PPFIA2: variants seen among roughly 807,000 people sequenced by gnomAD.
PPFIA2 encodes the protein liprin-alpha-2.
In PPFIA2, 46 loss-of-function variants were observed where a neutral mutation model predicts 175.5. The observed-to-expected ratio is 0.26, with a 90% CI of 0.21 to 0.34. The LOEUF is 0.34. Among genes scored for constraint, PPFIA2 ranks in the 10% least tolerant of loss-of-function variants. PPFIA2 has a pLI of 1.00. For missense variants in PPFIA2, 1,179 were observed against 1,506.1 expected (o/e 0.78, Z 3.60); for synonymous variants, 568 against 511.4 (o/e 1.11, Z -1.49).
At chr12:81,568,694 T>C (rs1339991380) in intron 4 of PPFIA2, among the ~76,000 whole-genome samples, 1 of 152,138 alleles carries the variant, frequency 6.6e-6, no homozygotes, top group Non-Finnish European at 1.5e-5. Flanking sequence ...TGAGAAACCA[T>C]CCCTCCACCT....
rs143474177 is a variant in PPFIA2 at position 81,368,087 on chromosome 12, G to A, written c.1482+638C>T. On this transcript the variant is annotated intron_variant, in intron 13 of 32. Transcript: ENST00000549396. The stretch of plus-strand genomic sequence containing the variant: ...GATTTCTAAAATGATGTGATCATCC[G>A]GGTTTTATACCCTACCTTAATTTAT... 552 of 1,283,420 alleles carry A rather than the reference G, an allele frequency of 4.3e-4. 2 individuals carry two copies. The East Asian group carries it at 0.011, about 25-fold the overall frequency. 79.5% of individuals were successfully genotyped at this position (1,283,420 alleles called of 1,614,324 possible). A position where few individuals can be genotyped will look rare whatever the true frequency, so the allele number is the denominator to read the frequency against.
chr12:81,444,664 C>A (rs1419692076), intron 6 of PPFIA2, among the ~76,000 whole-genome samples: 3 of 151,716 alleles, frequency 2.0e-5, no homozygotes, highest in East Asian at 3.9e-4. Flanking sequence ...TCTGAAAGAC[C>A]AATGATAAAA....
intron 4 of PPFIA2, among the ~76,000 whole-genome samples, chr12:81,509,468 A>G (rs551542609): frequency 6.6e-6 from 1 of 152,196 alleles, no homozygotes; most frequent in African/African-American, 2.4e-5. Context: ...AGGCATTTAT[A>G]TAGGGTCTTT....
intron 26 of PPFIA2, 41 bp from the exon 27 acceptor site, chr12:81,281,491 G>A: frequency 7.2e-7 from 1 of 1,381,320 alleles, no homozygotes. Flanking sequence ...TAACCAATCA[G>A]ATAAGATGGT....
intron 12 of PPFIA2, 42 bp downstream of exon 12, chr12:81,369,069 A>G: frequency 6.7e-7 from 1 of 1,487,066 alleles, no homozygotes; most frequent in Non-Finnish European, 9.3e-7. Flanking sequence ...ATACGAATTC[A>G]TAAACCAATG....
chr12:81,415,989 A>G (rs532679289), intron 7 of PPFIA2, among the ~76,000 whole-genome samples: 1 of 151,612 alleles, frequency 6.6e-6, no homozygotes, highest in Non-Finnish European at 1.5e-5. Context: ...AATTAAAATG[A>G]CAATAAAATA....
At chr12:81,458,310 T>C (rs922816669) in intron 4 of PPFIA2, among the ~76,000 whole-genome samples, 1 of 151,442 alleles carries the variant, frequency 6.6e-6, no homozygotes, top group East Asian at 2.0e-4. Context: ...ACAAATTTAT[T>C]TGTTAACAAG....
chr12:81,644,163 T>C (rs144253664), intron 4 of PPFIA2, among the ~76,000 whole-genome samples: 245 of 152,176 alleles, frequency 1.6e-3, no homozygotes, highest in African/African-American at 5.8e-3. Context: ...TGTGTTGTAT[T>C]ATACCTTTTA....
chr12:81,291,820 T>C (rs1014677330), intron 24 of PPFIA2, among the ~76,000 whole-genome samples: 2 of 151,944 alleles, frequency 1.3e-5, no homozygotes, highest in Non-Finnish European at 2.9e-5. Context: ...TGAAGTAGGA[T>C]GAAAGTTTTG....
Position 81,415,199 on chromosome 12 carries a change from AAAAAAAAAAAAATATATATATATATATAT to A in PPFIA2, c.646-9325_646-9297del, listed in dbSNP as rs1177725550. Among the ~76,000 whole-genome samples the A allele has an allele frequency of 8.7e-4, 50 of 57,660 alleles. 2 individuals are homozygous for A. The highest frequency in any genetic ancestry group is 2.9e-3 in the African/African-American group (46 of 15,856). The allele number at this position is 57,660 out of a possible 152,430, so 37.8% of individuals were successfully genotyped here. A position where few individuals can be genotyped will look rare whatever the true frequency, so the allele number is the denominator to read the frequency against. ...AGGTAAAAAAAAAAAAAAAAAAAAA[AAAAAAAAAAAAATATATATATATATATAT>A]ATATATATATATATATATATATATA... is the stretch of plus-strand genomic sequence containing the variant. On this transcript the variant is annotated intron_variant, in intron 7 of 32. Transcript: ENST00000549396.
At chr12:81,516,939 G>A (rs186127824) in intron 4 of PPFIA2, among the ~76,000 whole-genome samples, 2 of 152,204 alleles carry the variant, frequency 1.3e-5, no homozygotes, top group African/African-American at 4.8e-5. Flanking sequence ...AAGTACCCCA[G>A]GAAACTAGGC....
chr12:81,265,285 C>A (rs1294239712), intron 30 of PPFIA2, among the ~76,000 whole-genome samples: 1 of 93,132 alleles, frequency 1.1e-5, no homozygotes, highest in Non-Finnish European at 2.0e-5. Flanking sequence ...AAGAGCGAAA[C>A]TCTGTCAAAA....
chr12:81,628,795 C>G (rs745944669), intron 4 of PPFIA2, among the ~76,000 whole-genome samples: 1 of 152,114 alleles, frequency 6.6e-6, no homozygotes, highest in Non-Finnish European at 1.5e-5. Flanking sequence ...GAATGCAAGT[C>G]AAAATATCTA....
intron 19 of PPFIA2, among the ~76,000 whole-genome samples, chr12:81,341,829 C>T (rs1172911353): frequency 6.6e-6 from 1 of 152,056 alleles, no homozygotes; most frequent in South Asian, 2.1e-4. Context: ...TAGCATTATA[C>T]ATACTCAGGC....
intron 7 of PPFIA2, among the ~76,000 whole-genome samples, chr12:81,438,167 T>C (rs1331893883): frequency 6.6e-6 from 1 of 152,068 alleles, no homozygotes; most frequent in African/African-American, 2.4e-5. Flanking sequence ...TAATCTAGCT[T>C]ATTTTGAAGA....
intron 4 of PPFIA2, among the ~76,000 whole-genome samples, chr12:81,550,999 TAAGA>T (rs1278379054): frequency 6.6e-6 from 1 of 151,750 alleles, no homozygotes; most frequent in Non-Finnish European, 1.5e-5. Context: ...TGAGATCAAA[TAAGA>T]GAGTAAAAAA....
chr12:81,570,370 C>A (rs943612563), intron 4 of PPFIA2, among the ~76,000 whole-genome samples: 8 of 152,040 alleles, frequency 5.3e-5, no homozygotes, highest in Non-Finnish European at 1.0e-4. Context: ...TTTTTCTCCT[C>A]CCCCTTCACT....
intron 4 of PPFIA2, among the ~76,000 whole-genome samples, chr12:81,485,915 C>A (rs183217341): frequency 2.6e-5 from 4 of 151,908 alleles, no homozygotes; most frequent in Non-Finnish European, 4.4e-5. Flanking sequence ...CTAAGTACCC[C>A]ATCTGCAATT....
chr12:81,394,415 A>T (rs2040717560), intron 8 of PPFIA2, among the ~76,000 whole-genome samples: 1 of 152,016 alleles, frequency 6.6e-6, no homozygotes, highest in Admixed American at 6.6e-5. Context: ...ACAGAGTTTA[A>T]TTTATTTTCT....
Sources: allele counts gnomAD v4.1 joint callset (sites outside exome capture counted in the v4.1 genomes callset), GRCh38; gene constraint gnomAD v4.1.1; transcripts MANE v1.5; gene names NCBI Gene and HGNC (gene_info 2026-07-23, HGNC 2026-07-21).